Variants in MYLK4 observed in about 807,000 individuals in gnomAD.
The protein encoded by MYLK4 is caMLCK like.
Under a neutral mutation model 48.1 loss-of-function variants are expected in MYLK4, and 46 were observed. The ratio of observed to expected loss-of-function variants is 0.96; its 90% CI spans 0.75 to 1.22. The LOEUF (loss-of-function observed/expected upper bound fraction) is 1.22. Ranked by LOEUF, MYLK4 falls within the 50% of genes most tolerant of loss-of-function variation. The probability of loss-of-function intolerance (pLI) is 0.00; values close to 1 mark genes in which losing one functional copy is unlikely to be tolerated. For missense variants in MYLK4, 451 were observed against 486.1 expected (o/e 0.93, Z 0.68); for synonymous variants, 170 against 180.8 (o/e 0.94, Z 0.48).
rs1037997546 is a variant in MYLK4, at chr6:2,666,038, C to T, written c.*1887G>A. 3 of 152,088 alleles carry T rather than the reference C, an allele frequency of 2.0e-5. No individual in the cohort carries two copies. The highest frequency in any genetic ancestry group is 2.1e-4 in the South Asian group (1 of 4,832). The allele number at this position is 152,088 out of a possible 1,614,324, so 9.4% of individuals were successfully genotyped here. A position where few individuals can be genotyped will look rare whatever the true frequency, so the allele number is the denominator to read the frequency against. On this transcript the variant is annotated 3_prime_UTR_variant, in exon 13 of 13. Transcript: ENST00000274643. ...TGCAAGGCCAAAGGAGAAAAAGAAACGCATCATAATGTAAGAGCAAAGGCT... is the reference window on the plus strand; with the variant it reads ...TGCAAGGCCAAAGGAGAAAAAGAAATGCATCATAATGTAAGAGCAAAGGCT...
chr6:2,703,190 G>A (rs1304811426), intron 2 of MYLK4, among the ~76,000 whole-genome samples: 2 of 152,130 alleles, frequency 1.3e-5, no homozygotes, highest in Admixed American at 1.3e-4. Context: ...AGTACACCTT[G>A]ATACGTGAGC....
chr6:2,766,923 T>A, the MYLK4 span, among the ~76,000 whole-genome samples: 1 of 152,240 alleles, frequency 6.6e-6, no homozygotes. Flanking sequence ...TAGTTGTTGG[T>A]TTAACAGACT....
intron 2 of MYLK4, among the ~76,000 whole-genome samples, chr6:2,714,402 T>C (rs781384136): frequency 1.7e-4 from 26 of 152,230 alleles, no homozygotes; most frequent in Non-Finnish European, 3.7e-4. Context: ...TGAGTGTAAA[T>C]ACAGTTGCCA....
chr6:2,710,951 T>A (rs1426387735), intron 2 of MYLK4, among the ~76,000 whole-genome samples: 1 of 152,202 alleles, frequency 6.6e-6, no homozygotes, highest in African/African-American at 2.4e-5. Context: ...TTCAAATCAG[T>A]GGTTTCAAGT....
Position 2,675,063 on chromosome 6 carries a change from G to C in MYLK4, c.1103C>G (p.Ser368Cys). 6.2e-7 allele frequency: 1 copy of C among 1,613,958 alleles called. No homozygotes were observed. Among genetic ancestry groups the C allele is most frequent in the African/African-American group, 1.3e-5 (1 of 75,034 alleles). ...CGTGGTCACCTGGGCATTGAGTCTG[G>C]AGTGGAGCTTGTGGTCTGACAACCA... ...HPWLSDHKLH[S>C]RLNAQKKKNR... Residue 368 changes from serine to cysteine, a missense_variant, in exon 11 of 13, where the codon TCC becomes TGC. Transcript: ENST00000274643.
intron 2 of MYLK4, among the ~76,000 whole-genome samples, chr6:2,720,619 C>T (rs1763035537): frequency 6.6e-6 from 1 of 152,008 alleles, no homozygotes; most frequent in Non-Finnish European, 1.5e-5. Flanking sequence ...TGTATTAAAT[C>T]TATGTCACAA....
At chr6:2,716,035 CTCTAGTAAATGTT>C (rs1762853523) in intron 2 of MYLK4, among the ~76,000 whole-genome samples, 1 of 151,584 alleles carries the variant, frequency 6.6e-6, no homozygotes, top group Non-Finnish European at 1.5e-5. Flanking sequence ...TTTTTTTAAA[CTCTAGTAAATGTT>C]TCTTTGTAAA....
chr6:2,703,774 G>A (rs1002238278), intron 2 of MYLK4, among the ~76,000 whole-genome samples: 1 of 135,388 alleles, frequency 7.4e-6, no homozygotes, highest in Admixed American at 9.0e-5. Flanking sequence ...GGGTTCAAGC[G>A]ATTCTCCTGC....
intron 2 of MYLK4, among the ~76,000 whole-genome samples, chr6:2,739,183 G>A (rs1278524879): frequency 6.6e-6 from 1 of 152,184 alleles, no homozygotes; most frequent in Non-Finnish European, 1.5e-5. Context: ...GCCAGGCACA[G>A]TGGCTCACAC....
At chr6:2,770,341 C>T in the MYLK4 span, 1 of 1,614,160 alleles carries the variant, frequency 6.2e-7, no homozygotes. Context: ...CTCTGAGCCA[C>T]AGCAGCAACA....
chr6:2,694,514 G>C (rs1254885651), intron 2 of MYLK4, among the ~76,000 whole-genome samples: 1 of 9,560 alleles, frequency 1.0e-4, no homozygotes, highest in African/African-American at 5.4e-4. Context: ...TGGTGGTGGC[G>C]GTGGTGGTGG....
At position 2,712,483 on chromosome 6, in the gene MYLK4, C is replaced by T. The variant is rs999906799; in HGVS notation, c.160-19624G>A. 5.7e-4 allele frequency among the ~76,000 whole-genome samples: 87 copies of T among 152,328 alleles called. 1 individual carries two copies. The highest frequency in any genetic ancestry group is 2.0e-3 in the African/African-American group (84 of 41,568). ...TGTAAAAGGTCATCTCTGACTTGCACTAAACAGAACAATGGTGACAATGAA... is the reference window on the plus strand; with the variant it reads ...TGTAAAAGGTCATCTCTGACTTGCATTAAACAGAACAATGGTGACAATGAA... On this transcript the variant is annotated intron_variant, in intron 2 of 12. Transcript: ENST00000274643.
At chr6:2,765,592 G>C in the MYLK4 span, 1 of 1,469,468 alleles carries the variant, frequency 6.8e-7, no homozygotes. Context: ...TGCTGCGGCC[G>C]CGCCGGGCGC....
chr6:2,685,797 A>G lies in MYLK4; in HGVS notation c.342-221T>C, dbSNP rs9501876. On this transcript the variant is annotated intron_variant, in intron 4 of 12. Coordinates refer to ENST00000274643, the MANE Select transcript of MYLK4 (RefSeq NM_001012418.5). This position sits in a 1 kb window ranked among gnomAD's most constrained non-coding sequence, Gnocchi z 4.5. ...TTAAGAAAGCAGGTCTCGGCCGGGC[A>G]CGGTGGCTCACACCTGTAATCCCAG... Among the ~76,000 whole-genome samples the G allele has an allele frequency of 0.39, 59,898 of 151,912 alleles. 12,724 individuals are homozygous for G. Among genetic ancestry groups the G allele is most frequent in the African/African-American group, 0.56 (23,316 of 41,424 alleles).
At chr6:2,752,674 T>C (rs561287046), upstream of MYLK4, among the ~76,000 whole-genome samples, 6 of 152,124 alleles carry the variant, frequency 3.9e-5, no homozygotes, top group African/African-American at 9.7e-5. Context: ...AGATAGAAAC[T>C]GGAGTTCCGG....
intron 7 of MYLK4, 177 bp from the exon 8 acceptor site, chr6:2,680,468 G>A (rs1445115738): frequency 7.1e-6 from 7 of 985,286 alleles, no homozygotes; most frequent in Admixed American, 6.1e-5. Context: ...ATGAGGTTGC[G>A]GGTATCCTGC....
intron 2 of MYLK4, among the ~76,000 whole-genome samples, chr6:2,734,713 G>A (rs1763607267): frequency 6.6e-6 from 1 of 151,964 alleles, no homozygotes. Flanking sequence ...TATTACTTAG[G>A]TAAGCATATA....
At chr6:2,730,309 C>T (rs1561872043) in intron 2 of MYLK4, among the ~76,000 whole-genome samples, 1 of 152,214 alleles carries the variant, frequency 6.6e-6, no homozygotes, top group Admixed American at 6.5e-5. Context: ...TAATTTTGTG[C>T]CTGCTGGCTT....
At chr6:2,734,629 C>T (rs1275974020) in intron 2 of MYLK4, among the ~76,000 whole-genome samples, 1 of 152,066 alleles carries the variant, frequency 6.6e-6, no homozygotes, top group African/African-American at 2.4e-5. Context: ...CACTCATACA[C>T]ATATACATAT....
Sources: gnomAD v4.1 joint callset for allele counts (sites outside exome capture counted in the v4.1 genomes callset) on GRCh38, gnomAD v4.1.1 for gene constraint, Gnocchi (gnomAD v3.1) non-coding constraint, MANE v1.5 for transcripts, NCBI Gene and HGNC (gene_info 2026-07-23, HGNC 2026-07-21) for gene names.